NECTIN1: variants seen among roughly 807,000 people sequenced by gnomAD.
The protein encoded by NECTIN1 is nectin cell adhesion molecule 1.
Under a neutral mutation model 48.0 loss-of-function variants are expected in NECTIN1, and 23 were observed. The observed-to-expected ratio is 0.48, with a 90% confidence interval of 0.34 to 0.68. NECTIN1 has a LOEUF of 0.68. Ranked by LOEUF, NECTIN1 falls within the 30% of genes least tolerant of loss-of-function variation. NECTIN1 has a pLI of 0.01. For missense variants in NECTIN1, 591 were observed against 709.9 expected, an observed-to-expected ratio of 0.83 and a Z score of 1.90; for synonymous variants, 270 against 288.9, an observed-to-expected ratio of 0.93 and a Z score of 0.66.
chr11:119,717,621 C>T (rs1865766677), intron 1 of NECTIN1, among the ~76,000 whole-genome samples: 1 of 152,212 alleles, frequency 6.6e-6, no homozygotes, highest in African/African-American at 2.4e-5. Context: ...CAGGGAGATG[C>T]CTGTCCCTGC....
rs897447263 is a variant in NECTIN1 at position 119,710,444 on chromosome 11, G to C, written c.79+18031C>G. Among the ~76,000 whole-genome samples, 122 of 152,122 alleles carry C rather than the reference G, an allele frequency of 8.0e-4. 1 individual carries two copies. Among genetic ancestry groups the C allele is most frequent in the Admixed American group, 8.0e-3 (122 of 15,292 alleles). ...CACACACACACACACAGCCCTGCAT[G>C]CGTGTGTATGCATGTGAAGGATATC... On this transcript the variant is annotated intron_variant, in intron 1 of 5. Transcript: ENST00000264025.
intron 1 of NECTIN1, among the ~76,000 whole-genome samples, chr11:119,723,170 G>C (rs1435403356): frequency 8.0e-6 from 1 of 125,558 alleles, no homozygotes; most frequent in Non-Finnish European, 1.6e-5. Context: ...AGTGAGCTGA[G>C]ATCTTGCCAC....
At chr11:119,702,956 G>T (rs1289607286) in intron 1 of NECTIN1, among the ~76,000 whole-genome samples, 1 of 152,094 alleles carries the variant, frequency 6.6e-6, no homozygotes, top group East Asian at 1.9e-4. Flanking sequence ...CCCCAGTATG[G>T]GTTAAACCCC....
At chr11:119,695,042 T>C (rs1865320132) in intron 1 of NECTIN1, among the ~76,000 whole-genome samples, 1 of 152,152 alleles carries the variant, frequency 6.6e-6, no homozygotes, top group Non-Finnish European at 1.5e-5. Context: ...ACTGAAAATA[T>C]CACACCTTTA....
chr11:119,699,546 C>T (rs893527747), intron 1 of NECTIN1, among the ~76,000 whole-genome samples: 2 of 152,216 alleles, frequency 1.3e-5, no homozygotes, highest in African/African-American at 2.4e-5. Flanking sequence ...CGGGCAGGCA[C>T]GGCTGGGCCT....
intron 1 of NECTIN1, among the ~76,000 whole-genome samples, chr11:119,701,011 G>C (rs982650134): frequency 6.6e-6 from 1 of 152,168 alleles, no homozygotes; most frequent in Non-Finnish European, 1.5e-5. Context: ...CCGTGAGTCA[G>C]GTCTCTGCAG....
intron 1 of NECTIN1, among the ~76,000 whole-genome samples, chr11:119,680,807 C>T (rs1865047397): frequency 6.6e-6 from 1 of 152,258 alleles, no homozygotes; most frequent in South Asian, 2.1e-4. Context: ...TCCAGCTGTT[C>T]CCTCTGCCAG....
intron 5 of NECTIN1, among the ~76,000 whole-genome samples, chr11:119,654,469 C>T (rs542730393): frequency 1.8e-4 from 28 of 152,278 alleles, no homozygotes; most frequent in Middle Eastern, 3.4e-3. Flanking sequence ...ACCCCCATTC[C>T]CTGCTGGTCA....
chr11:119,662,340 A>G lies in NECTIN1; in HGVS notation c.*2407T>C. ...AGGTCCAAGTGCTGACTCCTGCCTC[A>G]TGCCCACCCTCAGCCCAGGCTGGCA... On this transcript the variant is annotated 3_prime_UTR_variant, in exon 6 of 6. Transcript: ENST00000264025. This position sits in a 1 kb window ranked among gnomAD's most constrained non-coding sequence, Gnocchi z 5.3. The G allele has an allele frequency of 2.0e-6, 2 of 985,794 alleles. No homozygotes were observed. The highest frequency in any genetic ancestry group is 2.4e-6 in the Non-Finnish European group (2 of 829,936). The allele number at this position is 985,794 out of a possible 1,614,324, so 61.1% of individuals were successfully genotyped here. A position where few individuals can be genotyped will look rare whatever the true frequency, so the allele number is the denominator to read the frequency against.
In NECTIN1 at chr11:119,661,139, A is replaced by T. The variant is rs1864655735; in HGVS notation, c.*3608T>A. ...GGAGGATCTGCTGGGCTGTCCCTGG[A>T]CCAAAGGCGGAAAGGGCGACAAGAC... On this transcript the variant is annotated 3_prime_UTR_variant, in exon 6 of 6. Coordinates refer to ENST00000264025, the MANE Select transcript of NECTIN1 (RefSeq NM_002855.5). 1 of 985,662 alleles carries T rather than the reference A, an allele frequency of 1.0e-6. No individual in the cohort carries two copies. Among genetic ancestry groups the T allele is most frequent in the Admixed American group, 6.1e-5 (1 of 16,266 alleles). 61.1% of individuals were successfully genotyped at this position (985,662 alleles called of 1,614,324 possible).
chr11:119,725,041 G>A (rs372452880), intron 1 of NECTIN1, among the ~76,000 whole-genome samples: 5 of 152,114 alleles, frequency 3.3e-5, no homozygotes, highest in Admixed American at 6.5e-5. Context: ...AGATACAATC[G>A]GAAAAATTGA....
chr11:119,705,751 A>T (rs943142555), intron 1 of NECTIN1, among the ~76,000 whole-genome samples: 1 of 152,196 alleles, frequency 6.6e-6, no homozygotes, highest in Non-Finnish European at 1.5e-5. Context: ...GCAGGCCGGG[A>T]GACTGGTGGA....
intron 1 of NECTIN1, chr11:119,713,981 C>T (rs1865705516): frequency 2.5e-6 from 1 of 406,848 alleles, no homozygotes; most frequent in African/African-American, 2.1e-5. Flanking sequence ...AGGGATGCTG[C>T]AGACCCTGAG....
chr11:119,701,278 G>C (rs1330052627), intron 1 of NECTIN1, among the ~76,000 whole-genome samples: 2 of 152,180 alleles, frequency 1.3e-5, no homozygotes, highest in East Asian at 3.8e-4. Context: ...ACCTTCCAGA[G>C]CTTTACTGAA....
At chr11:119,716,924 CAT>C (rs1685598599) in intron 1 of NECTIN1, among the ~76,000 whole-genome samples, 1 of 152,374 alleles carries the variant, frequency 6.6e-6, no homozygotes, top group Middle Eastern at 3.4e-3. Flanking sequence ...AAACCTTCCT[CAT>C]ACACACACAG....
Position 119,728,608 on chromosome 11 carries a change from A to G in NECTIN1, c.-55T>C, listed in dbSNP as rs945572395. 7.9e-7 allele frequency: 1 copy of G among 1,258,040 alleles called. No homozygotes were observed. The highest frequency in any genetic ancestry group is 1.1e-6 in the Non-Finnish European group (1 of 910,558). The allele number at this position is 1,258,040 out of a possible 1,614,324, so 77.9% of individuals were successfully genotyped here. ...GCGAGGGCAGCGCTCCTCGCGCAGC[A>G]GAAACCAGCCCGGAAGATGAGGGAA... On this transcript the variant is annotated 5_prime_UTR_variant, in exon 1 of 6. Coordinates refer to ENST00000264025, the MANE Select transcript of NECTIN1 (RefSeq NM_002855.5).
chr11:119,710,314 C>A (rs1865618948), intron 1 of NECTIN1, among the ~76,000 whole-genome samples: 1 of 152,218 alleles, frequency 6.6e-6, no homozygotes, highest in South Asian at 2.1e-4. Flanking sequence ...TCCTCTAACA[C>A]CGTACAAAGA....
In NECTIN1 at chr11:119,727,609, T is replaced by C. The variant is rs370933894; in HGVS notation, c.79+866A>G. On this transcript the variant is annotated intron_variant, in intron 1 of 5. Coordinates refer to ENST00000264025, the MANE Select transcript of NECTIN1 (RefSeq NM_002855.5). This position sits in a 1 kb window ranked among gnomAD's most constrained non-coding sequence, Gnocchi z 4.1. ...TTCCAGTTCATTCCCCAGCACAATATGCCTGGGCTGGTCCCAGCCTCCGTC... is the reference window on the plus strand; with the variant it reads ...TTCCAGTTCATTCCCCAGCACAATACGCCTGGGCTGGTCCCAGCCTCCGTC... Among the ~76,000 whole-genome samples, 7 of 152,248 alleles carry C rather than the reference T, an allele frequency of 4.6e-5. No homozygotes were observed. Among genetic ancestry groups the C allele is most frequent in the Admixed American group, 2.0e-4 (3 of 15,302 alleles).
rs1555078737 is a variant in NECTIN1 at position 119,676,020 on chromosome 11, A to AAT, written c.852-711_852-710insAT. ...AAATCCGTCTCAAAGAAAAAAAAAA[A>AAT]AATAATAATACAGATGCCTTGGTTC... On this transcript the variant is annotated intron_variant, in intron 4 of 5. Transcript: ENST00000264025. 3.4e-3 allele frequency among the ~76,000 whole-genome samples: 509 copies of AAT among 151,596 alleles called. 1 individual carries two copies. Among genetic ancestry groups the AAT allele is most frequent in the East Asian group, 0.016 (85 of 5,158 alleles).
Sources: allele counts gnomAD v4.1 joint callset (sites outside exome capture counted in the v4.1 genomes callset), GRCh38; gene constraint gnomAD v4.1.1; non-coding constraint Gnocchi (gnomAD v3.1); transcripts MANE v1.5; gene names NCBI Gene and HGNC (gene_info 2026-07-23, HGNC 2026-07-21).